The following MACF1 variants were observed in gnomAD, a reference collection of about 807,000 sequenced individuals.
MACF1 encodes the protein microtubule-actin cross-linking factor 1.
In MACF1, 193 loss-of-function variants were observed where a neutral mutation model predicts 854.8. That is an observed-to-expected ratio of 0.23 (90% confidence interval 0.20 to 0.25). MACF1 has a LOEUF of 0.25. Among genes scored for constraint, MACF1 ranks in the 10% least tolerant of loss-of-function variants. The pLI, the probability that MACF1 is intolerant of heterozygous loss-of-function variation, is 1.00. For synonymous variants in MACF1, 3,185 were observed against 3,226.7 expected, an observed-to-expected ratio of 0.99 and a Z score of 0.44; for missense variants, 7,722 against 8,929.1, an observed-to-expected ratio of 0.86 and a Z score of 5.45.
intron 59 of MACF1, 53 bp downstream of exon 59, chr1:39,422,588 G>A (rs563351522): frequency 3.8e-6 from 6 of 1,561,594 alleles, no homozygotes; most frequent in Admixed American, 1.9e-5. Flanking sequence ...ATAGAAAAGA[G>A]ACATCTGAAT....
chr1:39,272,528 G>A (rs2148361989), intron 6 of MACF1, among the ~76,000 whole-genome samples: 1 of 152,278 alleles, frequency 6.6e-6, no homozygotes, highest in East Asian at 1.9e-4. Context: ...TTTTGGTGGT[G>A]GTTTTGTTTT....
intron 6 of MACF1, among the ~76,000 whole-genome samples, chr1:39,261,477 A>AGT: frequency 6.6e-6 from 1 of 152,264 alleles, no homozygotes; most frequent in Admixed American, 6.5e-5. Flanking sequence ...TTTCATCACC[A>AGT]GCCTCAGGCA....
intron 1 of MACF1, among the ~76,000 whole-genome samples, chr1:39,228,658 C>CT (rs1034559819): frequency 3.3e-5 from 5 of 152,126 alleles, no homozygotes; most frequent in African/African-American, 1.2e-4. Flanking sequence ...AATAATAATA[C>CT]TTTTTTATTT....
At chr1:39,251,170 A>G (rs1169419189) in intron 3 of MACF1, among the ~76,000 whole-genome samples, 1 of 146,606 alleles carries the variant, frequency 6.8e-6, no homozygotes, top group Non-Finnish European at 1.5e-5. Context: ...TTGGTTTCGT[A>G]TCTTTTTTTT....
chr1:39,382,160 A>G lies in MACF1; in HGVS notation c.13848+8A>G, dbSNP rs1321782431. 1.2e-6 allele frequency: 2 copies of G among 1,611,392 alleles called. No individual in the cohort carries two copies. The highest frequency in any genetic ancestry group is 1.7e-5 in the Admixed American group (1 of 59,898). The stretch of plus-strand genomic sequence containing the variant: ...CAAAAGCAACAGGTCCAGGTGAGCA[A>G]TATAGCAACAAAGAAATTGGAATCA... On this transcript the variant is annotated splice_region_variant and intron_variant, in intron 56 of 100. Transcript: ENST00000564288.
rs150495633 is a variant in MACF1, at chr1:39,460,776, G to A, written c.21505G>A (p.Asp7169Asn). The A allele has an allele frequency of 8.1e-6, 13 of 1,614,140 alleles. No homozygotes were observed. The highest frequency in any genetic ancestry group is 1.0e-5 in the Non-Finnish European group (12 of 1,180,002). The change falls in exon 92 of 101, where the codon GAT becomes AAT. Residue 7169 changes from aspartate (D) to asparagine (N), a missense_variant. Physicochemically the swap from Asp to Asn is conservative, Grantham distance 23. Coordinates refer to ENST00000564288, the MANE Select transcript of MACF1 (RefSeq NM_001394062.1). This position sits in a 1 kb window ranked among gnomAD's most constrained non-coding sequence, Gnocchi z 4.1. ...GAAGATAACACGTCAGGAGTTTATCGATGGCATTTTAGCATCCAGTGAGTC... is the reference window on the plus strand; with the variant it reads ...GAAGATAACACGTCAGGAGTTTATCAATGGCATTTTAGCATCCAGTGAGTC... Reference protein sequence around the residue: ...DGKITRQEFIDGILASKFPTT... With the variant: ...DGKITRQEFINGILASKFPTT...
intron 15 of MACF1, among the ~76,000 whole-genome samples, chr1:39,289,732 G>A (rs1369465514): frequency 2.7e-5 from 1 of 37,654 alleles, no homozygotes; most frequent in Non-Finnish European, 5.8e-5. Flanking sequence ...TTTTGAGACA[G>A]AGTCTTGTTC....
At chr1:39,159,873 T>G (rs767198009) in intron 2 of MACF1, among the ~76,000 whole-genome samples, 1 of 152,196 alleles carries the variant, frequency 6.6e-6, no homozygotes, top group Middle Eastern at 3.4e-3. Context: ...ACTGGGTTTT[T>G]TCAGGGATGA....
At chr1:39,404,151 AAATAAAT>A (rs2148597916) in intron 58 of MACF1, among the ~76,000 whole-genome samples, 2 of 79,050 alleles carry the variant, frequency 2.5e-5, no homozygotes, top group South Asian at 5.7e-4. Flanking sequence ...ATAAGTAAGT[AAATAAAT>A]AAATAAATAA....
chr1:39,247,233 C>T (rs907533802), intron 2 of MACF1, among the ~76,000 whole-genome samples: 8 of 151,704 alleles, frequency 5.3e-5, no homozygotes, highest in Admixed American at 1.3e-4. Flanking sequence ...CCACCATGCC[C>T]GGCTAATTTT....
At chr1:39,178,934 AGTTCCTTTCCTGGATTGTCTAG>A (rs1397317269) in intron 2 of MACF1, among the ~76,000 whole-genome samples, 1 of 152,184 alleles carries the variant, frequency 6.6e-6, no homozygotes, top group Non-Finnish European at 1.5e-5. Flanking sequence ...TGGTCTCTTT[AGTTCCTTTCCTGGATTGTCTAG>A]GAGCATGCTG....
intron 2 of MACF1, among the ~76,000 whole-genome samples, chr1:39,114,488 G>A (rs1345034953): frequency 1.3e-5 from 2 of 152,088 alleles, no homozygotes. Context: ...AGCTATTTGG[G>A]AGGCTGAGAC....
At position 39,334,412 on chromosome 1, in the gene MACF1, A is replaced by G; in HGVS notation, c.7824A>G (p.Ala2608=). 1.2e-6 allele frequency: 2 copies of G among 1,614,098 alleles called. No homozygotes were observed. The highest frequency in any genetic ancestry group is 2.2e-5 in the South Asian group (2 of 91,072). ...AKKEGLLTNE[A]VLSPGMMHGI... ...AAGAAGGACTGTTAACTAATGAAGC[A>G]GTATTGTCTCCAGGAATGATGCATG... The change falls in exon 37 of 101, where the codon GCA becomes GCG. Residue 2608 remains alanine, a synonymous_variant. Coordinates refer to ENST00000564288, the MANE Select transcript of MACF1 (RefSeq NM_001394062.1).
intron 70 of MACF1, chr1:39,437,567 C>T (rs1644009060): frequency 5.8e-6 from 3 of 521,094 alleles, no homozygotes; most frequent in Non-Finnish European, 1.1e-5. Flanking sequence ...ACACCTCAGC[C>T]TCCCAAAGTG....
In MACF1 at chr1:39,429,226, T is replaced by C. The variant is rs1160410997; in HGVS notation, c.16804-16T>C. 1 of 1,285,328 alleles carries C rather than the reference T, an allele frequency of 7.8e-7. No individual in the cohort carries two copies. Among genetic ancestry groups the C allele is most frequent in the South Asian group, 1.2e-5 (1 of 82,998 alleles). 79.6% of individuals were successfully genotyped at this position (1,285,328 alleles called of 1,614,324 possible). On this transcript the variant is annotated splice_polypyrimidine_tract_variant and intron_variant, in intron 63 of 100. Transcript: ENST00000564288. ...AGTGCCACAGTTTCAGGATTAATGG[T>C]ATTCTTTCCTTTCAGGCTTTAAATG...
At position 39,204,926 on chromosome 1, in the gene MACF1, G is replaced by C. The variant is rs1644433112; in HGVS notation, c.-97G>C. ...CTAAGCTCCGGCCTCTGCCTCTGCT[G>C]ATAGTACAGGACAACAGTAACCTCA... is the stretch of plus-strand genomic sequence containing the variant. On this transcript the variant is annotated 5_prime_UTR_variant, in exon 1 of 101. Transcript: ENST00000564288. The C allele has an allele frequency of 1.5e-6, 1 of 666,830 alleles. No individual in the cohort carries two copies. The highest frequency in any genetic ancestry group is 1.8e-5 in the African/African-American group (1 of 56,086). The allele number at this position is 666,830 out of a possible 1,614,324, so 41.3% of individuals were successfully genotyped here. A position where few individuals can be genotyped will look rare whatever the true frequency, so the allele number is the denominator to read the frequency against.
chr1:39,429,421 G>T, intron 64 of MACF1, 95 bp downstream of exon 64: 1 of 718,682 alleles, frequency 1.4e-6, no homozygotes, highest in East Asian at 2.5e-5. Context: ...TCTTCTTTAT[G>T]TATATATGAG....
At chr1:39,368,080 C>T in intron 49 of MACF1, 68 bp from the exon 50 acceptor site, 1 of 1,357,136 alleles carries the variant, frequency 7.4e-7, no homozygotes, top group African/African-American at 1.4e-5. Context: ...TACCTCTTTC[C>T]TTATTCCTTT....
intron 6 of MACF1, among the ~76,000 whole-genome samples, chr1:39,275,864 A>G (rs963407461): frequency 6.6e-6 from 1 of 151,256 alleles, no homozygotes; most frequent in African/African-American, 2.4e-5. Context: ...CTGCCATTAG[A>G]TCCCTCTAGC....
Sources: gnomAD v4.1 joint callset for allele counts (sites outside exome capture counted in the v4.1 genomes callset) on GRCh38, gnomAD v4.1.1 for gene constraint, Gnocchi (gnomAD v3.1) non-coding constraint, MANE v1.5 for transcripts, NCBI Gene and HGNC (gene_info 2026-07-23, HGNC 2026-07-21) for gene names.